Variants in RIMKLB observed in about 807,000 individuals in gnomAD.
RIMKLB encodes the protein ribosomal modification protein rimK like family member B.
RIMKLB carries 7 observed loss-of-function variants against 32.0 expected under a neutral mutation model. That is an observed-to-expected ratio of 0.22 (90% CI 0.12 to 0.41). The LOEUF is 0.41. Ranked by LOEUF, RIMKLB falls within the 10% of genes least tolerant of loss-of-function variation. RIMKLB has a pLI of 1.00. For missense variants in RIMKLB, 289 were observed against 498.7 expected (o/e 0.58, Z 4.00); for synonymous variants, 172 against 185.1 (o/e 0.93, Z 0.57).
intron 1 of RIMKLB, among the ~76,000 whole-genome samples, chr12:8,699,256 A>G (rs1210031374): frequency 1.3e-5 from 2 of 152,178 alleles, no homozygotes; most frequent in African/African-American, 4.8e-5. Flanking sequence ...GCAGCCTACT[A>G]TGCAGATTTT....
intron 2 of RIMKLB, among the ~76,000 whole-genome samples, chr12:8,741,180 T>C (rs1167611660): frequency 6.6e-6 from 1 of 151,878 alleles, no homozygotes; most frequent in Non-Finnish European, 1.5e-5. Flanking sequence ...CACTCCAGCC[T>C]GGGCGACAGA....
At chr12:8,773,260 CTTTAAT>C (rs1172549002) in intron 5 of RIMKLB, 55 bp from the exon 6 acceptor site, 33 of 1,278,160 alleles carry the variant, frequency 2.6e-5, no homozygotes, top group African/African-American at 8.9e-5. Context: ...TGGAGGCCAA[CTTTAAT>C]TTTATTTCAA....
chr12:8,743,983 A>G (rs756513913), intron 2 of RIMKLB, among the ~76,000 whole-genome samples: 3 of 151,996 alleles, frequency 2.0e-5, no homozygotes, highest in Non-Finnish European at 4.4e-5. Flanking sequence ...AACAAAGCAC[A>G]TTCAGTTGGA....
chr12:8,749,383 G>C (rs1399170913), intron 2 of RIMKLB, among the ~76,000 whole-genome samples: 1 of 152,134 alleles, frequency 6.6e-6, no homozygotes, highest in Non-Finnish European at 1.5e-5. Flanking sequence ...GTTAGTTTTT[G>C]TATTTTTAGT....
At chr12:8,771,213 C>A (rs1950369603) in intron 5 of RIMKLB, among the ~76,000 whole-genome samples, 1 of 151,954 alleles carries the variant, frequency 6.6e-6, no homozygotes, top group African/African-American at 2.4e-5. Context: ...GTAGGGAAAC[C>A]CAGCAAGGCC....
chr12:8,735,509 C>T (rs1165884549), intron 2 of RIMKLB, among the ~76,000 whole-genome samples: 1 of 151,562 alleles, frequency 6.6e-6, no homozygotes, highest in Non-Finnish European at 1.5e-5. Flanking sequence ...GGAATATAGG[C>T]GTGAGCCACT....
chr12:8,747,990 A>AGGT (rs1400412154), intron 2 of RIMKLB, among the ~76,000 whole-genome samples: 2 of 152,162 alleles, frequency 1.3e-5, no homozygotes, highest in African/African-American at 4.8e-5. Flanking sequence ...TCCCAACCTC[A>AGGT]GGTGATTCAC....
chr12:8,751,479 T>C (rs1948615770), intron 3 of RIMKLB, among the ~76,000 whole-genome samples: 1 of 152,150 alleles, frequency 6.6e-6, no homozygotes. Flanking sequence ...AGAACTCTGA[T>C]TAGTAATGGA....
At chr12:8,763,392 A>T (rs971296439) in intron 5 of RIMKLB, among the ~76,000 whole-genome samples, 2 of 152,190 alleles carry the variant, frequency 1.3e-5, no homozygotes, top group African/African-American at 2.4e-5. Flanking sequence ...TTAGGCGTAC[A>T]TCTGACTAAA....
intron 5 of RIMKLB, among the ~76,000 whole-genome samples, chr12:8,758,757 C>T (rs111242444): frequency 0.033 from 5,017 of 152,152 alleles, 279 homozygotes; most frequent in African/African-American, 0.11. Flanking sequence ...AATGAATAAC[C>T]GGTTGTCTGA....
rs552086829 is a variant in RIMKLB, at chr12:8,705,768, C to T, written c.-57+7471C>T. On this transcript the variant is annotated intron_variant, in intron 1 of 5. Coordinates refer to ENST00000535829, the MANE Select transcript of RIMKLB (RefSeq NM_001297776.2). ...GTAAGCAGCAGTCTGTAAACTCAGACAGGACTTGATGTTGCAGTCTTGGGT... is the reference window on the plus strand; with the variant it reads ...GTAAGCAGCAGTCTGTAAACTCAGATAGGACTTGATGTTGCAGTCTTGGGT... 5.3e-5 allele frequency among the ~76,000 whole-genome samples: 8 copies of T among 152,300 alleles called. No individual in the cohort carries two copies. The South Asian group carries it at 8.3e-4, about 16-fold the overall frequency.
downstream of RIMKLB, chr12:8,779,815 G>A (rs765881072): frequency 3.9e-5 from 6 of 152,218 alleles, no homozygotes; most frequent in South Asian, 4.2e-4. Flanking sequence ...AACAGAAGAC[G>A]TTTATGCTGT....
intron 2 of RIMKLB, among the ~76,000 whole-genome samples, chr12:8,746,881 C>T (rs1247203732): frequency 6.6e-6 from 1 of 152,172 alleles, no homozygotes; most frequent in Non-Finnish European, 1.5e-5. Flanking sequence ...ACTAGGGCTA[C>T]AGACACACAC....
At chr12:8,717,335 G>A (rs746920736) in intron 2 of RIMKLB, among the ~76,000 whole-genome samples, 27 of 152,158 alleles carry the variant, frequency 1.8e-4, no homozygotes, top group Non-Finnish European at 3.4e-4. Flanking sequence ...AATGTTACAC[G>A]TCATTTACAC....
At chr12:8,780,608 A>G (rs906880096), downstream of RIMKLB, 1 of 152,220 alleles carries the variant, frequency 6.6e-6, no homozygotes, top group African/African-American at 2.4e-5. Context: ...CAGCAGAGGA[A>G]GGAATTCTTC....
chr12:8,736,952 C>G (rs1266478888), intron 2 of RIMKLB, among the ~76,000 whole-genome samples: 1 of 152,080 alleles, frequency 6.6e-6, no homozygotes, highest in Non-Finnish European at 1.5e-5. Context: ...GCTGGGATTA[C>G]AGGCATGTGC....
chr12:8,713,942 A>G lies in RIMKLB; in HGVS notation c.76A>G (p.Ile26Val), dbSNP rs1944581946. The change falls in exon 2 of 6, where the codon ATT (isoleucine) becomes GTT (valine). Residue 26 changes from isoleucine (I) to valine (V), a missense_variant. Ile to Val is a conservative substitution (Grantham distance 29). This residue lies in a region of RIMKLB where 34 missense variants were observed against 35.3 expected (regional missense o/e 0.96). Coordinates refer to ENST00000535829, the MANE Select transcript of RIMKLB (RefSeq NM_001297776.2). ...RIREDYPQKE[I>V]LRALKAKCCE... Reference sequence around the variant, plus strand: ...CAGGGAAGACTATCCTCAAAAAGAGATTTTACGAGCATTGAAGGCCAAATG... The same window carrying G: ...CAGGGAAGACTATCCTCAAAAAGAGGTTTTACGAGCATTGAAGGCCAAATG... 1.2e-6 allele frequency: 2 copies of G among 1,613,936 alleles called. No individual in the cohort carries two copies. The highest frequency in any genetic ancestry group is 2.2e-5 in the East Asian group (1 of 44,880).
rs200460101 is a variant in RIMKLB, at chr12:8,759,322, G to C, written c.697+5229G>C. On this transcript the variant is annotated intron_variant, in intron 5 of 5. Transcript: ENST00000535829. ...AGACAGGAGAATCACTTGAACCTGGGAGGTAGAGGTTGCAGTGAGCCAAGG... is the reference window on the plus strand; with the variant it reads ...AGACAGGAGAATCACTTGAACCTGGCAGGTAGAGGTTGCAGTGAGCCAAGG... Among the ~76,000 whole-genome samples the C allele has an allele frequency of 1.3e-4, 20 of 152,306 alleles. No homozygotes were observed. In the East Asian group the frequency reaches 3.5e-3, roughly 26 times the overall value.
chr12:8,680,256 C>T (rs1385311201), upstream of RIMKLB, among the ~76,000 whole-genome samples: 2 of 152,158 alleles, frequency 1.3e-5, no homozygotes, highest in Non-Finnish European at 2.9e-5. Flanking sequence ...CCCAGGCTCA[C>T]GCCGTTCTCC....
Sources: allele counts gnomAD v4.1 joint callset (sites outside exome capture counted in the v4.1 genomes callset), GRCh38; gene constraint gnomAD v4.1.1; regional missense constraint gnomAD v4.1.1; transcripts MANE v1.5; gene names NCBI Gene and HGNC (gene_info 2026-07-23, HGNC 2026-07-21).